The following STARD13 variants were observed in gnomAD, a reference collection of about 807,000 sequenced individuals.
STARD13 encodes the protein stAR-related lipid transfer protein 13.
STARD13 carries 62 observed loss-of-function variants against 106.4 expected under a neutral mutation model. The ratio of observed to expected loss-of-function variants is 0.58; its 90% CI spans 0.48 to 0.72. The LOEUF (loss-of-function observed/expected upper bound fraction) is 0.72, where lower values mean the gene tolerates loss of function less well. Among genes scored for constraint, STARD13 ranks in the 30% least tolerant of loss-of-function variants. The probability of loss-of-function intolerance (pLI) is 0.00; values close to 1 mark genes in which losing one functional copy is unlikely to be tolerated. For synonymous variants in STARD13, 565 were observed against 553.0 expected (o/e 1.02, Z -0.31); for missense variants, 1,387 against 1,424.0 (o/e 0.97, Z 0.42).
At chr13:33,442,696 T>C in the STARD13 span, among the ~76,000 whole-genome samples, 3 of 152,186 alleles carry the variant, frequency 2.0e-5, no homozygotes, top group African/African-American at 7.2e-5. Context: ...ATGTTAGAGA[T>C]ATTAAAAATG....
chr13:33,610,506 C>T, the STARD13 span, among the ~76,000 whole-genome samples: 2 of 152,258 alleles, frequency 1.3e-5, no homozygotes, highest in Admixed American at 6.5e-5. Flanking sequence ...TCTCCCAGCC[C>T]CGCGCTGCTC....
chr13:33,211,046 C>A (rs191571444), intron 1 of STARD13, among the ~76,000 whole-genome samples: 1 of 152,082 alleles, frequency 6.6e-6, no homozygotes, highest in African/African-American at 2.4e-5. Flanking sequence ...CTATGAATAT[C>A]ATTATAAATA....
At chr13:33,658,874 G>T in the STARD13 span, among the ~76,000 whole-genome samples, 1 of 152,068 alleles carries the variant, frequency 6.6e-6, no homozygotes, top group African/African-American at 2.4e-5. Context: ...AGGTTAACTT[G>T]GTCACCAATG....
chr13:33,530,279 C>T, the STARD13 span, among the ~76,000 whole-genome samples: 4 of 152,028 alleles, frequency 2.6e-5, no homozygotes, highest in South Asian at 6.2e-4. Context: ...GCAAGAACTC[C>T]CCGAGCCAAA....
At chr13:33,672,729 A>C in the STARD13 span, among the ~76,000 whole-genome samples, 2 of 152,176 alleles carry the variant, frequency 1.3e-5, no homozygotes, top group Non-Finnish European at 2.9e-5. Flanking sequence ...GATCACCCAT[A>C]CTTGAATATA....
chr13:33,358,741 T>G, the STARD13 span, among the ~76,000 whole-genome samples: 2 of 151,996 alleles, frequency 1.3e-5, no homozygotes, highest in Non-Finnish European at 2.9e-5. Flanking sequence ...TGTATCTAGC[T>G]GCTCTGGTGA....
At chr13:33,534,917 A>T in the STARD13 span, among the ~76,000 whole-genome samples, 1 of 152,222 alleles carries the variant, frequency 6.6e-6, no homozygotes, top group Admixed American at 6.5e-5. Flanking sequence ...CAAATTCTGG[A>T]CATAATAAAA....
At chr13:33,499,523 T>TTCTTCTTCTTCTTCC in the STARD13 span, among the ~76,000 whole-genome samples, 4 of 50,402 alleles carry the variant, frequency 7.9e-5, 1 homozygote, top group African/African-American at 3.2e-4. Flanking sequence ...TCTTTCTTTC[T>TTCTTCTTCTTCTTCC]TCTTCTTCTT....
intron 1 of STARD13, among the ~76,000 whole-genome samples, chr13:33,192,727 C>T (rs947954686): frequency 3.3e-5 from 5 of 152,038 alleles, no homozygotes; most frequent in Admixed American, 2.0e-4. Flanking sequence ...GGAGAAACGC[C>T]ATCTCTACTA....
the STARD13 span, among the ~76,000 whole-genome samples, chr13:33,423,313 C>T: frequency 6.6e-6 from 1 of 152,182 alleles, no homozygotes; most frequent in Non-Finnish European, 1.5e-5. Flanking sequence ...CAAAAGAAGA[C>T]ATTTATGCAG....
the STARD13 span, among the ~76,000 whole-genome samples, chr13:33,472,272 GTTTCTTC>G: frequency 6.6e-6 from 1 of 151,918 alleles, no homozygotes; most frequent in Admixed American, 6.6e-5. Flanking sequence ...CAGTGCATTT[GTTTCTTC>G]TTTCTTGTTT....
chr13:33,484,703 T>C, the STARD13 span, among the ~76,000 whole-genome samples: 5 of 152,214 alleles, frequency 3.3e-5, no homozygotes, highest in African/African-American at 1.2e-4. Flanking sequence ...TATATTAAAC[T>C]CTTTCTCTAT....
In STARD13 at chr13:33,125,140, T is replaced by C. The variant is rs577562852; in HGVS notation, c.2082+941A>G. Among the ~76,000 whole-genome samples, 259 of 152,320 alleles carry C rather than the reference T, an allele frequency of 1.7e-3. 2 individuals are homozygous for C. The highest frequency in any genetic ancestry group is 5.8e-3 in the African/African-American group (241 of 41,580). On this transcript the variant is annotated intron_variant, in intron 7 of 13. Coordinates refer to ENST00000336934, the MANE Select transcript of STARD13 (RefSeq NM_178006.4). ...TAAGTGTGGTCTCAGTATTGGGGTC[T>C]CTACAAGCATCACTAGCCAGCTCAT...
At chr13:33,351,976 A>G (rs1199826629), upstream of STARD13, among the ~76,000 whole-genome samples, 1 of 152,248 alleles carries the variant, frequency 6.6e-6, no homozygotes, top group Admixed American at 6.5e-5. Flanking sequence ...TGATGGTAAG[A>G]AATAGTCTTT....
downstream of STARD13, among the ~76,000 whole-genome samples, chr13:33,346,351 G>T (rs556000242): frequency 3.3e-5 from 5 of 152,170 alleles, no homozygotes; most frequent in Non-Finnish European, 5.9e-5. Flanking sequence ...AACTGGTTTA[G>T]TTCGGTTTGG....
At chr13:33,320,176 A>G (rs992064983) in intron 1 of STARD13, among the ~76,000 whole-genome samples, 15 of 152,234 alleles carry the variant, frequency 9.9e-5, no homozygotes, top group South Asian at 2.1e-4. Context: ...GTGTTTTGTC[A>G]CTTTTGCAAA....
At chr13:33,183,260 A>G (rs1885421500) in intron 1 of STARD13, among the ~76,000 whole-genome samples, 1 of 152,222 alleles carries the variant, frequency 6.6e-6, no homozygotes, top group Admixed American at 6.5e-5. Context: ...AGTGCCTAGC[A>G]GAGTGCTCGG....
chr13:33,336,191 T>G (rs2138576504), intron 1 of STARD13: 1 of 152,374 alleles, frequency 6.6e-6, no homozygotes, highest in African/African-American at 2.4e-5. Context: ...ATCTTATAGC[T>G]TAAATTTCTG....
At chr13:33,296,248 A>G (rs1892489329) in intron 1 of STARD13, among the ~76,000 whole-genome samples, 1 of 151,360 alleles carries the variant, frequency 6.6e-6, no homozygotes, top group African/African-American at 2.4e-5. Flanking sequence ...AAAAATCACC[A>G]TGACATAGGG....
Sources: allele counts gnomAD v4.1 joint callset (sites outside exome capture counted in the v4.1 genomes callset), GRCh38; gene constraint gnomAD v4.1.1; transcripts MANE v1.5; gene names NCBI Gene and HGNC (gene_info 2026-07-23, HGNC 2026-07-21).